Variants in WDR33 observed in about 807,000 individuals in gnomAD.
The protein encoded by WDR33 is WD repeat domain 33, also known as pre-mRNA 3' end processing protein WDR33.
In WDR33, 47 loss-of-function variants were observed where a neutral mutation model predicts 164.9. The observed-to-expected ratio is 0.29, with a 90% confidence interval of 0.23 to 0.36. The LOEUF is 0.36. Among genes scored for constraint, WDR33 ranks in the 10% least tolerant of loss-of-function variants. The pLI, the probability that WDR33 is intolerant of heterozygous loss-of-function variation, is 1.00. For missense variants in WDR33, 1,137 were observed against 1,754.1 expected (o/e 0.65, Z 6.28); for synonymous variants, 505 against 589.0 (o/e 0.86, Z 2.06).
rs542368918 is a variant in WDR33 at position 127,717,881 on chromosome 2, G to C, written c.2761-618C>G. Among the ~76,000 whole-genome samples, 1 of 152,234 alleles carries C rather than the reference G, an allele frequency of 6.6e-6. No homozygotes were observed. Among genetic ancestry groups the C allele is most frequent in the Admixed American group, 6.5e-5 (1 of 15,286 alleles). On this transcript the variant is annotated intron_variant, in intron 16 of 21. Transcript: ENST00000322313. This position sits in a 1 kb window ranked among gnomAD's most constrained non-coding sequence, Gnocchi z 5.6. ...TTTCAGTTATAACACAGTAGCTAAAGTCCATTATTTTTTTAATCCTCCAAA... is the reference window on the plus strand; with the variant it reads ...TTTCAGTTATAACACAGTAGCTAAACTCCATTATTTTTTTAATCCTCCAAA...
At chr2:127,772,244 C>G (rs530318599) in intron 1 of WDR33, among the ~76,000 whole-genome samples, 16 of 152,114 alleles carry the variant, frequency 1.1e-4, no homozygotes, top group Non-Finnish European at 2.1e-4. Flanking sequence ...CAAGACCAGC[C>G]TGGCCAACAT....
rs923259431 is a variant in WDR33, at chr2:127,702,898, A to G, written c.*3425T>C. ...AACGGTCTCTTCGGAAATCCTGCAA[A>G]TAGAAAGATAATTCTAGATCCGGAA... is the stretch of plus-strand genomic sequence containing the variant. On this transcript the variant is annotated 3_prime_UTR_variant, in exon 22 of 22. Coordinates refer to ENST00000322313, the MANE Select transcript of WDR33 (RefSeq NM_018383.5). 1.8e-5 allele frequency: 3 copies of G among 166,994 alleles called. No homozygotes were observed. The highest frequency in any genetic ancestry group is 4.8e-5 in the African/African-American group (2 of 41,466). 10.3% of individuals were successfully genotyped at this position (166,994 alleles called of 1,614,324 possible).
rs73958007 is a variant in WDR33 at position 127,740,976 on chromosome 2, T to C, written c.725-14199A>G. ...GACCCTACCTATGAATAAACCAGAG[T>C]AGAGAAAAATGAAACCCAAAATACA... On this transcript the variant is annotated intron_variant, in intron 7 of 21. Coordinates refer to ENST00000322313, the MANE Select transcript of WDR33 (RefSeq NM_018383.5). 4.9e-3 allele frequency among the ~76,000 whole-genome samples: 744 copies of C among 151,824 alleles called. 13 individuals are homozygous for C. The highest frequency in any genetic ancestry group is 0.017 in the African/African-American group (716 of 41,376).
rs1222216080 is a variant in WDR33 at position 127,719,478 on chromosome 2, GGGAGGTCCCAGCATTGATCCTTGGGGT to G, written c.2520_2546del (p.Pro841_Pro849del). On this transcript the variant is annotated inframe_deletion, in exon 16 of 22. Coordinates refer to ENST00000322313, the MANE Select transcript of WDR33 (RefSeq NM_018383.5). The surrounding 1 kb of genome is among the most constrained non-coding windows in gnomAD (Gnocchi z 6.5). ...AGCCTGGAGGCCCTCGCAATTCCTGGGGAGGTCCCAGCATTGATCCTTGGGGTGGAGGCCCCTGCATGCCTCGGATCT... is the reference window on the plus strand; with the variant it reads ...AGCCTGGAGGCCCTCGCAATTCCTGGGGAGGCCCCTGCATGCCTCGGATCT... 1.3e-6 allele frequency: 2 copies of G among 1,595,636 alleles called. No homozygotes were observed. The highest frequency in any genetic ancestry group is 8.6e-7 in the Non-Finnish European group (1 of 1,169,336).
intron 4 of WDR33, 47 bp from the exon 5 acceptor site, chr2:127,765,316 T>C: frequency 2.1e-6 from 3 of 1,409,396 alleles, no homozygotes; most frequent in Non-Finnish European, 3.0e-6. Context: ...ACTTCACTAA[T>C]TTTGAAAAAC....
chr2:127,750,603 T>G (rs1320930596), intron 7 of WDR33, among the ~76,000 whole-genome samples: 1 of 133,826 alleles, frequency 7.5e-6, no homozygotes, highest in Non-Finnish European at 1.5e-5. Flanking sequence ...GAGTCGAGAT[T>G]GTAATCATTG....
intron 7 of WDR33, among the ~76,000 whole-genome samples, chr2:127,729,687 T>C (rs906915168): frequency 1.3e-5 from 2 of 152,096 alleles, no homozygotes; most frequent in African/African-American, 2.4e-5. Context: ...GGTAGAGATA[T>C]GGTTTCACTG....
intron 7 of WDR33, among the ~76,000 whole-genome samples, chr2:127,727,693 T>C (rs969584735): frequency 9.2e-5 from 14 of 152,162 alleles, no homozygotes; most frequent in African/African-American, 3.4e-4. Flanking sequence ...TTGAAAAAAA[T>C]GGATATGATT....
chr2:127,808,541 G>A (rs779547238), intron 1 of WDR33, among the ~76,000 whole-genome samples: 2 of 152,214 alleles, frequency 1.3e-5, no homozygotes, highest in African/African-American at 4.8e-5. Flanking sequence ...ACACTGAAGA[G>A]CTTCAGTCTC....
chr2:127,748,152 G>A (rs938382065), intron 7 of WDR33, among the ~76,000 whole-genome samples: 3 of 152,046 alleles, frequency 2.0e-5, no homozygotes, highest in Non-Finnish European at 2.9e-5. Context: ...TCTGTTTTCC[G>A]ACAGCACCCT....
At chr2:127,809,202 A>G (rs1689549785) in intron 1 of WDR33, among the ~76,000 whole-genome samples, 1 of 152,108 alleles carries the variant, frequency 6.6e-6, no homozygotes, top group Admixed American at 6.6e-5. Context: ...CCGCAAAGTA[A>G]TGGGAAAAGT....
intron 1 of WDR33, among the ~76,000 whole-genome samples, chr2:127,795,129 C>A (rs1688991111): frequency 8.3e-6 from 1 of 120,550 alleles, no homozygotes; most frequent in African/African-American, 3.7e-5. Context: ...GAGAGGGAGT[C>A]TCACTCTGTT....
intron 18 of WDR33, among the ~76,000 whole-genome samples, chr2:127,711,780 A>ATATATATATTTTTTTT: frequency 3.4e-5 from 3 of 88,320 alleles, no homozygotes; most frequent in African/African-American, 1.9e-4. Flanking sequence ...ATATATATAT[A>ATATATATATTTTTTTT]TTTTTTTTTT....
At chr2:127,768,803 CT>C in intron 3 of WDR33, 129 bp downstream of exon 3, 1 of 580,758 alleles carries the variant, frequency 1.7e-6, no homozygotes, top group East Asian at 4.3e-5. Flanking sequence ...TATATTATCC[CT>C]TTGGGAATAT....
At chr2:127,751,901 A>G (rs1201639191) in intron 7 of WDR33, among the ~76,000 whole-genome samples, 2 of 152,160 alleles carry the variant, frequency 1.3e-5, no homozygotes, top group African/African-American at 2.4e-5. Flanking sequence ...CTACCCTCCA[A>G]CAAACTACAC....
chr2:127,711,751 GATATATATATATATAT>G (rs754454193), intron 18 of WDR33, among the ~76,000 whole-genome samples: 3 of 71,636 alleles, frequency 4.2e-5, no homozygotes, highest in African/African-American at 2.0e-4. Context: ...CACATATACA[GATATATATATATATAT>G]ATATATATAT....
intron 1 of WDR33, among the ~76,000 whole-genome samples, chr2:127,801,350 T>C (rs912358014): frequency 5.3e-5 from 8 of 151,908 alleles, no homozygotes; most frequent in African/African-American, 1.5e-4. Context: ...ATTGGAACCA[T>C]TGTGTACTGA....
chr2:127,808,931 C>G (rs188295468), intron 1 of WDR33, among the ~76,000 whole-genome samples: 2,284 of 150,828 alleles, frequency 0.015, 71 homozygotes, highest in African/African-American at 0.054. Flanking sequence ...TCGGGAGGCT[C>G]AGGCAGGAGA....
chr2:127,720,420 G>C lies in WDR33; in HGVS notation c.1672-67C>G. ...CAGAGCCCTTGAAGATGACAATATT[G>C]CTATCATGTATTCTGTTAGGGGACT... is the stretch of plus-strand genomic sequence containing the variant. On this transcript the variant is annotated intron_variant, in intron 15 of 21. Transcript: ENST00000322313. This position sits in a 1 kb window ranked among gnomAD's most constrained non-coding sequence, Gnocchi z 5.9. 1 of 1,471,492 alleles carries C rather than the reference G, an allele frequency of 6.8e-7. No homozygotes were observed. The allele number at this position is 1,471,492 out of a possible 1,614,324, so 91.2% of individuals were successfully genotyped here. A position where few individuals can be genotyped will look rare whatever the true frequency, so the allele number is the denominator to read the frequency against.
Sources: gnomAD v4.1 joint callset for allele counts (sites outside exome capture counted in the v4.1 genomes callset) on GRCh38, gnomAD v4.1.1 for gene constraint, Gnocchi (gnomAD v3.1) non-coding constraint, MANE v1.5 for transcripts, NCBI Gene and HGNC (gene_info 2026-07-23, HGNC 2026-07-21) for gene names.